F13A1: variants seen among roughly 807,000 people sequenced by gnomAD.
F13A1 encodes the protein FSF, A subunit.
A neutral mutation model predicts 80.1 loss-of-function variants in F13A1; 47 were observed. That is an observed-to-expected ratio of 0.59 (90% CI 0.46 to 0.75). The LOEUF (loss-of-function observed/expected upper bound fraction) is 0.75, where lower values mean the gene tolerates loss of function less well. Among genes scored for constraint, F13A1 ranks in the 30% least tolerant of loss-of-function variants. The pLI is 0.00. For synonymous variants in F13A1, 349 were observed against 344.9 expected, an observed-to-expected ratio of 1.01 and a Z score of -0.13; for missense variants, 817 against 930.4, an observed-to-expected ratio of 0.88 and a Z score of 1.59.
At position 6,149,006 on chromosome 6, in the gene F13A1, T is replaced by A. The variant is rs1397526642; in HGVS notation, c.2045+2807A>T. Among the ~76,000 whole-genome samples, 8 of 131,316 alleles carry A rather than the reference T, an allele frequency of 6.1e-5. No individual in the cohort carries two copies. The East Asian group carries it at 8.8e-4, about 14-fold the overall frequency. The allele number at this position is 131,316 out of a possible 152,430, so 86.1% of individuals were successfully genotyped here. ...CATGTAGACACTAAAAAAAAAAAAA[T>A]TATTATACCATAGAAGCAAAGAGCA... On this transcript the variant is annotated intron_variant, in intron 14 of 14. Coordinates refer to ENST00000264870, the MANE Select transcript of F13A1 (RefSeq NM_000129.4).
At chr6:6,212,608 A>C (rs573810183) in intron 8 of F13A1, among the ~76,000 whole-genome samples, 1 of 152,244 alleles carries the variant, frequency 6.6e-6, no homozygotes, top group Non-Finnish European at 1.5e-5. Flanking sequence ...TGGAAACTCT[A>C]AAAAGCAGAG....
At chr6:6,268,356 AAG>A (rs1258764692) in intron 3 of F13A1, among the ~76,000 whole-genome samples, 1 of 152,344 alleles carries the variant, frequency 6.6e-6, no homozygotes, top group East Asian at 1.9e-4. Flanking sequence ...TCAGGAAACT[AAG>A]AGTCATTAAG....
At chr6:6,307,116 A>G (rs1758523508) in intron 2 of F13A1, among the ~76,000 whole-genome samples, 1 of 152,190 alleles carries the variant, frequency 6.6e-6, no homozygotes, top group African/African-American at 2.4e-5. Flanking sequence ...ATGAAGGCTC[A>G]ATGAGATAAC....
At chr6:6,194,888 G>A (rs1387975998) in intron 10 of F13A1, among the ~76,000 whole-genome samples, 2 of 152,178 alleles carry the variant, frequency 1.3e-5, no homozygotes, top group Admixed American at 1.3e-4. Context: ...CTAGATGGTT[G>A]TGAGAAAGTC....
At chr6:6,301,884 C>T (rs1179917911) in intron 3 of F13A1, among the ~76,000 whole-genome samples, 1 of 152,228 alleles carries the variant, frequency 6.6e-6, no homozygotes, top group Non-Finnish European at 1.5e-5. Flanking sequence ...AGATCCAACC[C>T]ATAGCTAGAG....
At chr6:6,176,636 G>A (rs1017894618) in intron 11 of F13A1, among the ~76,000 whole-genome samples, 2 of 152,194 alleles carry the variant, frequency 1.3e-5, no homozygotes, top group Admixed American at 6.5e-5. Flanking sequence ...TAGAGCACTC[G>A]GAGGGAGGTA....
At chr6:6,240,020 C>T (rs1282869242) in intron 6 of F13A1, among the ~76,000 whole-genome samples, 1 of 152,044 alleles carries the variant, frequency 6.6e-6, no homozygotes, top group Non-Finnish European at 1.5e-5. Flanking sequence ...GGGATGCTGG[C>T]CCCAGGAGAC....
At chr6:6,258,797 T>C (rs562941086) in intron 4 of F13A1, among the ~76,000 whole-genome samples, 1 of 152,196 alleles carries the variant, frequency 6.6e-6, no homozygotes, top group Non-Finnish European at 1.5e-5. Context: ...TAAAACTTCA[T>C]AAAAATTCAA....
intron 4 of F13A1, among the ~76,000 whole-genome samples, chr6:6,265,008 C>T (rs1230031500): frequency 1.3e-5 from 2 of 152,154 alleles, no homozygotes; most frequent in Non-Finnish European, 2.9e-5. Flanking sequence ...TGACTGTAAT[C>T]CCAACACTTT....
rs866928081 is a variant in F13A1, at chr6:6,186,504, G to C, written c.1306-4363C>G. Among the ~76,000 whole-genome samples the C allele has an allele frequency of 5.2e-3, 795 of 152,186 alleles. 4 individuals carry two copies. The highest frequency in any genetic ancestry group is 0.016 in the African/African-American group (673 of 41,522). ...AATCCTTTCCCCATTGCTTGTTTTT[G>C]TCAGGTTTGTCAAAGATCAGATAGT... On this transcript the variant is annotated intron_variant, in intron 10 of 14. Transcript: ENST00000264870.
chr6:6,227,803 GA>G lies in F13A1; in HGVS notation c.799-2944del, dbSNP rs563435862. On this transcript the variant is annotated intron_variant, in intron 6 of 14. Transcript: ENST00000264870. ...TCAATCAGCTAAGGGGAAGAGTAAG[GA>G]AAAAAAGCTCTGTCCTCTACAGACC... Among the ~76,000 whole-genome samples, 288 of 152,150 alleles carry G rather than the reference GA, an allele frequency of 1.9e-3. 2 individuals carry two copies. The highest frequency in any genetic ancestry group is 6.8e-3 in the Middle Eastern group (2 of 294).
intron 8 of F13A1, among the ~76,000 whole-genome samples, chr6:6,213,381 T>G (rs1761657287): frequency 6.6e-6 from 1 of 152,128 alleles, no homozygotes; most frequent in Admixed American, 6.6e-5. Flanking sequence ...TATTCAACAT[T>G]CTTAAAGAAA....
chr6:6,294,830 G>C (rs1176051124), intron 3 of F13A1, among the ~76,000 whole-genome samples: 1 of 150,284 alleles, frequency 6.7e-6, no homozygotes, highest in African/African-American at 2.5e-5. Flanking sequence ...TGCCATGGTG[G>C]TGCGCTGCAC....
chr6:6,196,004 G>C, intron 9 of F13A1, 119 bp from the exon 10 acceptor site: 1 of 948,382 alleles, frequency 1.1e-6, no homozygotes, highest in South Asian at 1.4e-5. Context: ...CTTCATTGCT[G>C]ATTTAGCCCA....
intron 13 of F13A1, among the ~76,000 whole-genome samples, chr6:6,159,153 G>A (rs927681122): frequency 1.2e-4 from 18 of 152,068 alleles, no homozygotes; most frequent in African/African-American, 3.9e-4. Flanking sequence ...CACCCACCTC[G>A]GCCTCCCAAA....
At chr6:6,209,718 G>A (rs1359731009) in intron 8 of F13A1, among the ~76,000 whole-genome samples, 3 of 152,166 alleles carry the variant, frequency 2.0e-5, no homozygotes, top group African/African-American at 2.4e-5. Context: ...CCTTGAACAC[G>A]TTACGCTAAG....
intron 6 of F13A1, among the ~76,000 whole-genome samples, chr6:6,230,645 A>C (rs1443952646): frequency 6.6e-6 from 1 of 152,198 alleles, no homozygotes; most frequent in Non-Finnish European, 1.5e-5. Flanking sequence ...CAGCACAAAA[A>C]TAGAGCATTA....
chr6:6,151,837 G>C lies in F13A1; in HGVS notation c.2021C>G (p.Thr674Arg). 6.2e-7 allele frequency: 1 copy of C among 1,614,050 alleles called. No homozygotes were observed. The highest frequency in any genetic ancestry group is 1.7e-5 in the Admixed American group (1 of 60,022). ...VWVHLDGPGV[T>R]RPMKKMFREI... ...CCGGAACATCTTCTTCATTGGTCTTGTTACTCCAGGACCATCCAGGTGTAC... is the reference window on the plus strand; with the variant it reads ...CCGGAACATCTTCTTCATTGGTCTTCTTACTCCAGGACCATCCAGGTGTAC... The change falls in exon 14 of 15, where the codon ACA (threonine) becomes AGA (arginine). Residue 674 changes from threonine to arginine, a missense_variant. Physicochemically the swap from Thr to Arg is moderately conservative, Grantham distance 71. Transcript: ENST00000264870.
chr6:6,190,561 TGAG>T (rs1761169719), intron 10 of F13A1, among the ~76,000 whole-genome samples: 2 of 151,540 alleles, frequency 1.3e-5, no homozygotes, highest in South Asian at 2.1e-4. Context: ...GGGACCCACT[TGAG>T]GAGGCAGTCT....
Sources: allele counts gnomAD v4.1 joint callset (sites outside exome capture counted in the v4.1 genomes callset), GRCh38; gene constraint gnomAD v4.1.1; transcripts MANE v1.5; gene names NCBI Gene and HGNC (gene_info 2026-07-23, HGNC 2026-07-21).